ARHGEF11: variants seen among roughly 807,000 people sequenced by gnomAD.
The protein encoded by ARHGEF11 is Rho guanine exchange factor (GEF) 11.
ARHGEF11 carries 55 observed loss-of-function variants against 193.7 expected under a neutral mutation model. The observed-to-expected ratio is 0.28, with a 90% CI of 0.23 to 0.36. The LOEUF (loss-of-function observed/expected upper bound fraction) is 0.36, where lower values mean the gene tolerates loss of function less well. Ranked by LOEUF, ARHGEF11 falls within the 10% of genes least tolerant of loss-of-function variation. The pLI, the probability that ARHGEF11 is intolerant of heterozygous loss-of-function variation, is 1.00. For missense variants in ARHGEF11, 1,723 were observed against 2,005.6 expected (o/e 0.86, Z 2.69); for synonymous variants, 693 against 768.0 (o/e 0.90, Z 1.62).
intron 1 of ARHGEF11, among the ~76,000 whole-genome samples, chr1:157,029,795 T>C (rs919181746): frequency 2.0e-5 from 3 of 152,126 alleles, no homozygotes; most frequent in African/African-American, 7.2e-5. Flanking sequence ...ATCCATACAG[T>C]GGAATATTAT....
rs150545454 is a variant in ARHGEF11, at chr1:156,936,926, A to G, written c.4520T>C (p.Phe1507Ser). ...SSGGTTPVGS[F>S]HTEAARWTDG... ...TGTCCATCTAGCTGCTTCTGTGTGG[A>G]AACTGCCCACAGGCGTGGTGCCACC... Residue 1507 changes from phenylalanine to serine, a missense_variant, in exon 40 of 41, where the codon TTC becomes TCC. Transcript: ENST00000368194. 7.4e-6 allele frequency: 12 copies of G among 1,613,860 alleles called. No individual in the cohort carries two copies. The African/African-American group carries it at 1.1e-4, about 14-fold the overall frequency.
chr1:156,978,083 T>A (rs1034682555), intron 6 of ARHGEF11, 121 bp downstream of exon 6: 8 of 1,420,538 alleles, frequency 5.6e-6, no homozygotes, highest in Non-Finnish European at 7.6e-6. Flanking sequence ...TGGTCTTTCA[T>A]ATGTCTTTTG....
chr1:156,947,410 C>G lies in ARHGEF11; in HGVS notation c.2382G>C (p.Arg794=), dbSNP rs767130942. ...VTEASHLRTL[R]VLDLIFYQRM... ...GCTGGTAGAAGATCAGGTCCAGGAC[C>G]CGGAGTGTGCGCAGGTGGGAAGCTT... Residue 794 remains arginine (R), a synonymous_variant, in exon 26 of 41, where the codon CGG becomes CGC. Transcript: ENST00000368194. The G allele has an allele frequency of 2.5e-6, 4 of 1,613,522 alleles. No individual in the cohort carries two copies. The East Asian group carries it at 6.7e-5, about 27-fold the overall frequency.
At position 157,044,461 on chromosome 1, in the gene ARHGEF11, A is replaced by C; in HGVS notation, c.-131T>G. On this transcript the variant is annotated 5_prime_UTR_variant, in exon 1 of 41. Coordinates refer to ENST00000368194, the MANE Select transcript of ARHGEF11 (RefSeq NM_198236.3). ...TTGAAGATAGAATCCTTTCTCCTCC[A>C]GCTCTCAGGACCCTGGTAACTGATG... is the stretch of plus-strand genomic sequence containing the variant. 2 of 811,952 alleles carry C rather than the reference A, an allele frequency of 2.5e-6. No individual in the cohort carries two copies. The highest frequency in any genetic ancestry group is 2.8e-5 in the South Asian group (2 of 72,064). 50.3% of individuals were successfully genotyped at this position (811,952 alleles called of 1,614,324 possible).
chr1:156,954,380 C>CAAAAAAAAAAAAAAAAAA (rs559848711), intron 21 of ARHGEF11, among the ~76,000 whole-genome samples: 2 of 75,148 alleles, frequency 2.7e-5, no homozygotes, highest in Non-Finnish European at 5.0e-5. Context: ...ACTGTGTCTC[C>CAAAAAAAAAAAAAAAAAA]AAAAAAAAAA....
chr1:156,960,335 C>A, intron 15 of ARHGEF11, 83 bp downstream of exon 15: 1 of 1,378,894 alleles, frequency 7.3e-7, no homozygotes, highest in Non-Finnish European at 1.0e-6. Context: ...GGGACTATGT[C>A]CCTTCTGTCC....
rs754931022 is a variant in ARHGEF11, at chr1:156,986,079, T to C, written c.124+3A>G. 1.2e-6 allele frequency: 2 copies of C among 1,612,738 alleles called. No homozygotes were observed. Among genetic ancestry groups the C allele is most frequent in the African/African-American group, 2.7e-5 (2 of 74,990 alleles). On this transcript the variant is annotated splice_donor_region_variant and intron_variant, in intron 2 of 40. Coordinates refer to ENST00000368194, the MANE Select transcript of ARHGEF11 (RefSeq NM_198236.3). Reference sequence around the variant, plus strand: ...TTTGTATGTTAATGCCCAAGGAGGTTACCTGTTGTCTCAGAGGCATCCGAA... The same window carrying C: ...TTTGTATGTTAATGCCCAAGGAGGTCACCTGTTGTCTCAGAGGCATCCGAA...
At chr1:156,980,516 CCAA>C in intron 3 of ARHGEF11, 30 bp from the exon 4 acceptor site, 1 of 1,573,854 alleles carries the variant, frequency 6.4e-7, no homozygotes, top group Non-Finnish European at 8.6e-7. Flanking sequence ...TCAGCAGTGC[CCAA>C]CAACCTCTTC....
upstream of ARHGEF11, among the ~76,000 whole-genome samples, chr1:157,046,492 C>T (rs1355383036): frequency 3.9e-5 from 6 of 152,118 alleles, no homozygotes; most frequent in African/African-American, 1.4e-4. Context: ...TTTGTTGCGG[C>T]CTCCTTCGTG....
At chr1:156,972,293 C>T (rs946655357) in intron 7 of ARHGEF11, among the ~76,000 whole-genome samples, 5 of 152,198 alleles carry the variant, frequency 3.3e-5, no homozygotes, top group Admixed American at 6.5e-5. Context: ...GAGCAGGTAC[C>T]ATCCTAGCCA....
intron 26 of ARHGEF11, 103 bp downstream of exon 26, chr1:156,947,201 G>A (rs1454342925): frequency 4.6e-6 from 7 of 1,513,068 alleles, no homozygotes; most frequent in Non-Finnish European, 6.2e-6. Context: ...CCAGGGATTG[G>A]TGGGAGGTTA....
chr1:156,960,820 A>T (rs1195990782), intron 14 of ARHGEF11, among the ~76,000 whole-genome samples: 1 of 152,106 alleles, frequency 6.6e-6, no homozygotes, highest in African/African-American at 2.4e-5. Flanking sequence ...TATTTGGTGG[A>T]CTTTCCCTCC....
chr1:156,996,549 G>A (rs1322522540), intron 1 of ARHGEF11, among the ~76,000 whole-genome samples: 1 of 151,850 alleles, frequency 6.6e-6, no homozygotes, highest in Non-Finnish European at 1.5e-5. Context: ...AGAGGCGGGC[G>A]GATCACGAGG....
intron 1 of ARHGEF11, among the ~76,000 whole-genome samples, chr1:156,995,376 G>A (rs980331893): frequency 6.6e-6 from 1 of 152,050 alleles, no homozygotes; most frequent in Non-Finnish European, 1.5e-5. Flanking sequence ...TTCAACCTCA[G>A]GGGCTTTCTC....
intron 1 of ARHGEF11, among the ~76,000 whole-genome samples, chr1:157,029,324 C>T (rs1671028452): frequency 1.3e-5 from 2 of 151,830 alleles, no homozygotes; most frequent in Admixed American, 6.6e-5. Context: ...GGCTAGAGTA[C>T]AATGGCGCAA....
Position 156,986,073 on chromosome 1 carries a change from G to A in ARHGEF11, c.124+9C>T, listed in dbSNP as rs1664876982. 1 of 1,611,264 alleles carries A rather than the reference G, an allele frequency of 6.2e-7. No individual in the cohort carries two copies. Among genetic ancestry groups the A allele is most frequent in the Non-Finnish European group, 8.5e-7 (1 of 1,177,640 alleles). ...GCTGTTTTTGTATGTTAATGCCCAA[G>A]GAGGTTACCTGTTGTCTCAGAGGCA... On this transcript the variant is annotated intron_variant, in intron 2 of 40. Transcript: ENST00000368194.
intron 37 of ARHGEF11, chr1:156,938,786 A>T (rs2101784101): frequency 2.3e-6 from 1 of 440,070 alleles, no homozygotes; most frequent in African/African-American, 2.0e-5. Context: ...TGCTGCTGGA[A>T]GGGAGGCAGA....
Position 156,968,104 on chromosome 1 carries a change from C to A in ARHGEF11, c.846G>T (p.Ser282=). 1 of 1,611,136 alleles carries A rather than the reference C, an allele frequency of 6.2e-7. No individual in the cohort carries two copies. Among genetic ancestry groups the A allele is most frequent in the Non-Finnish European group, 8.5e-7 (1 of 1,177,970 alleles). Residue 282 remains serine, a synonymous_variant, in exon 11 of 41, where the codon TCG becomes TCT. Transcript: ENST00000368194. The stretch of plus-strand genomic sequence containing the variant: ...TGTCTAGCCCAGGGTCTGACAGTAC[C>A]GAGTTCCGATTCATCAATGACTAGA... ...SLSESLMNRN[S]VLSDPGLDSP... is the part of the protein sequence containing the mutation.
intron 32 of ARHGEF11, among the ~76,000 whole-genome samples, chr1:156,943,245 G>C (rs560173555): frequency 4.6e-5 from 7 of 152,082 alleles, no homozygotes; most frequent in African/African-American, 1.7e-4. Context: ...ATTTTTAGTA[G>C]AGATAGGGTT....
Sources: gnomAD v4.1 joint callset for allele counts (sites outside exome capture counted in the v4.1 genomes callset) on GRCh38, gnomAD v4.1.1 for gene constraint, MANE v1.5 for transcripts, NCBI Gene and HGNC (gene_info 2026-07-23, HGNC 2026-07-21) for gene names.